RBM27: variants seen among roughly 807,000 people sequenced by gnomAD.
RBM27 encodes RNA binding motif protein 27, also known as RNA-binding protein 27.
A neutral mutation model predicts 135.3 loss-of-function variants in RBM27; 22 were observed. That is an observed-to-expected ratio of 0.16 (90% CI 0.12 to 0.23). The LOEUF (loss-of-function observed/expected upper bound fraction) is 0.23, where lower values mean the gene tolerates loss of function less well. RBM27 is among the 10% of genes least tolerant of loss of function. RBM27 has a pLI of 1.00. For missense variants in RBM27, 1,009 were observed against 1,281.0 expected (o/e 0.79, Z 3.24); for synonymous variants, 481 against 442.4 (o/e 1.09, Z -1.10).
chr5:146,267,410 C>A (rs76954541), intron 14 of RBM27, among the ~76,000 whole-genome samples: 2,936 of 152,162 alleles, frequency 0.019, 106 homozygotes, highest in African/African-American at 0.067. Context: ...GCACCTTTGT[C>A]TGATGTTGGT....
chr5:146,258,694 A>C (rs1025732823), intron 11 of RBM27, 101 bp downstream of exon 11: 3 of 1,114,230 alleles, frequency 2.7e-6, no homozygotes, highest in African/African-American at 3.3e-5. Flanking sequence ...TTTTCAAACT[A>C]GGTATCTTGA....
At position 146,203,739 on chromosome 5, in the gene RBM27, G is replaced by T; in HGVS notation, c.-27G>T. On this transcript the variant is annotated 5_prime_UTR_variant, in exon 1 of 21. Transcript: ENST00000265271. The stretch of plus-strand genomic sequence containing the variant: ...ACCCACGGCAGGCCTGAAGAAGAGC[G>T]GCGGCCGAGCCCGCCTTCCCTGCAC... The T allele has an allele frequency of 6.5e-7, 1 of 1,548,168 alleles. No individual in the cohort carries two copies. The highest frequency in any genetic ancestry group is 8.7e-7 in the Non-Finnish European group (1 of 1,145,248).
chr5:146,276,240 A>T (rs1561568263), intron 19 of RBM27, among the ~76,000 whole-genome samples: 1 of 152,128 alleles, frequency 6.6e-6, no homozygotes, highest in African/African-American at 2.4e-5. Flanking sequence ...CCTTAAAAAA[A>T]TAAATTATTC....
intron 1 of RBM27, among the ~76,000 whole-genome samples, chr5:146,210,719 G>A (rs950357212): frequency 1.3e-5 from 2 of 152,090 alleles, no homozygotes; most frequent in Admixed American, 6.6e-5. Context: ...AGGCTGAGGC[G>A]GGCAGATCAC....
chr5:146,285,850 T>G (rs1759560314), intron 20 of RBM27, 97 bp from the exon 21 acceptor site: 1 of 864,360 alleles, frequency 1.2e-6, no homozygotes, highest in Non-Finnish European at 1.8e-6. Context: ...AAATCTAGCC[T>G]GGGCTTTGTA....
intron 1 of RBM27, among the ~76,000 whole-genome samples, chr5:146,212,731 A>G (rs13169370): frequency 0.21 from 31,817 of 151,744 alleles, 4,237 homozygotes; most frequent in Admixed American, 0.33. Context: ...ATTTTTTGAG[A>G]TGGAGTCTTG....
chr5:146,239,440 A>G (rs1214685235), intron 8 of RBM27, among the ~76,000 whole-genome samples: 3 of 138,858 alleles, frequency 2.2e-5, no homozygotes, highest in Non-Finnish European at 4.6e-5. Flanking sequence ...ACCCCTCTCT[A>G]GGACTTCTAA....
At position 146,203,745 on chromosome 5, in the gene RBM27, C is replaced by T; in HGVS notation, c.-21C>T. On this transcript the variant is annotated 5_prime_UTR_variant, in exon 1 of 21. Transcript: ENST00000265271. ...GGCAGGCCTGAAGAAGAGCGGCGGC[C>T]GAGCCCGCCTTCCCTGCACCATGCT... is the stretch of plus-strand genomic sequence containing the variant. 6.5e-7 allele frequency: 1 copy of T among 1,549,042 alleles called. No individual in the cohort carries two copies. Among genetic ancestry groups the T allele is most frequent in the Non-Finnish European group, 8.7e-7 (1 of 1,145,748 alleles).
At chr5:146,279,097 A>G (rs181113998) in intron 19 of RBM27, among the ~76,000 whole-genome samples, 41 of 152,278 alleles carry the variant, frequency 2.7e-4, no homozygotes, top group Admixed American at 2.2e-3. Context: ...GTGTAGAACA[A>G]TTAGGTACTG....
chr5:146,230,828 A>G lies in RBM27; in HGVS notation c.761A>G (p.Glu254Gly). 1 of 1,613,992 alleles carries G rather than the reference A, an allele frequency of 6.2e-7. No individual in the cohort carries two copies. The change falls in exon 6 of 21, where the codon GAG becomes GGG. Residue 254 changes from glutamate (E) to glycine (G), a missense_variant. Coordinates refer to ENST00000265271, the MANE Select transcript of RBM27 (RefSeq NM_018989.2). ...GCTCACCACTCTGAAAACACAACTG[A>G]GAGTTGGTCTAATTACTATAACAAT... ...APAHHSENTT[E>G]SWSNYYNNHS...
At position 146,288,458 on chromosome 5, in the gene RBM27, A is replaced by C. The variant is rs1382703034; in HGVS notation, c.*2428A>C. Reference sequence around the variant, plus strand: ...TCAAAGATGAATTTGAAGTGAGTTAATTATAATACTGGAAAACTTCAGGTT... The same window carrying C: ...TCAAAGATGAATTTGAAGTGAGTTACTTATAATACTGGAAAACTTCAGGTT... On this transcript the variant is annotated 3_prime_UTR_variant, in exon 21 of 21. Coordinates refer to ENST00000265271, the MANE Select transcript of RBM27 (RefSeq NM_018989.2). 1 of 152,110 alleles carries C rather than the reference A, an allele frequency of 6.6e-6. No individual in the cohort carries two copies. The highest frequency in any genetic ancestry group is 2.4e-5 in the African/African-American group (1 of 41,456). 9.4% of individuals were successfully genotyped at this position (152,110 alleles called of 1,614,324 possible). A position where few individuals can be genotyped will look rare whatever the true frequency, so the allele number is the denominator to read the frequency against.
At chr5:146,245,524 A>T (rs1355136774) in intron 8 of RBM27, among the ~76,000 whole-genome samples, 1 of 152,216 alleles carries the variant, frequency 6.6e-6, no homozygotes, top group East Asian at 1.9e-4. Context: ...ATAAATCTTT[A>T]TCTTTCAGAA....
chr5:146,264,757 A>G (rs775313276), intron 14 of RBM27, among the ~76,000 whole-genome samples: 1 of 151,988 alleles, frequency 6.6e-6, no homozygotes, highest in African/African-American at 2.4e-5. Context: ...TCATGAATAG[A>G]CAGACTAGTG....
intron 9 of RBM27, 122 bp downstream of exon 9, chr5:146,251,997 GT>G: frequency 8.8e-7 from 1 of 1,132,322 alleles, no homozygotes; most frequent in Non-Finnish European, 1.3e-6. Context: ...CTCATAGGTA[GT>G]TTTATTTTCT....
At position 146,264,827 on chromosome 5, in the gene RBM27, A is replaced by G. The variant is rs139098001; in HGVS notation, c.2331+1196A>G. 2.4e-3 allele frequency among the ~76,000 whole-genome samples: 366 copies of G among 152,290 alleles called. 1 individual carries two copies. The highest frequency in any genetic ancestry group is 8.2e-3 in the African/African-American group (342 of 41,578). ...GCAAATAGGAGTTTATTATATAATA[A>G]CAAAGTGGAACAGGTCAGTGGGGAA... On this transcript the variant is annotated intron_variant, in intron 14 of 20. Coordinates refer to ENST00000265271, the MANE Select transcript of RBM27 (RefSeq NM_018989.2).
At chr5:146,212,627 T>TA (rs1321854790) in intron 1 of RBM27, among the ~76,000 whole-genome samples, 1 of 152,224 alleles carries the variant, frequency 6.6e-6, no homozygotes, top group Non-Finnish European at 1.5e-5. Flanking sequence ...GTGCTGGGAT[T>TA]ACAGGCATGA....
chr5:146,246,237 A>AT (rs1290495499), intron 8 of RBM27, among the ~76,000 whole-genome samples: 2 of 152,196 alleles, frequency 1.3e-5, no homozygotes, highest in Non-Finnish European at 2.9e-5. Flanking sequence ...AAAACTTAAA[A>AT]TTTTTTTCCT....
rs1303361673 is a variant in RBM27, at chr5:146,233,642, G to A, written c.1043G>A (p.Gly348Asp). Residue 348 changes from glycine (G) to aspartate (D), a missense_variant, in exon 7 of 21, where the codon GGC becomes GAC. Physicochemically the swap from Gly to Asp is moderately conservative, Grantham distance 94. Coordinates refer to ENST00000265271, the MANE Select transcript of RBM27 (RefSeq NM_018989.2). ...GGCCCAGGCCCGGGCCCAGGTCCAG[G>A]CCCAGGCCCGGGCCCAGGTCCAGGT... ...GPGPGPGPGP[G>D]PGPGPGPGPG... 6.4e-7 allele frequency: 1 copy of A among 1,572,806 alleles called. No homozygotes were observed. The highest frequency in any genetic ancestry group is 2.3e-5 in the East Asian group (1 of 43,904).
Position 146,258,460 on chromosome 5 carries a change from G to T in RBM27, c.1606G>T (p.Val536Leu). 6.4e-7 allele frequency: 1 copy of T among 1,554,318 alleles called. No homozygotes were observed. The highest frequency in any genetic ancestry group is 8.7e-7 in the Non-Finnish European group (1 of 1,152,746). ...MDVNPRAANI[V>L]IQTEPPVPVS... ...TTTTTTTCCAACAGCTGCTAACATT[G>T]TGATCCAGACTGAACCACCAGTTCC... The change falls in exon 11 of 21, where the codon GTG (valine) becomes TTG (leucine). Residue 536 changes from valine to leucine, a missense_variant. Val to Leu is a conservative substitution (Grantham distance 32). Around this residue, in one of 6 missense-constraint regions of RBM27, gnomAD observed 329 missense variants for 368.1 expected, o/e 0.89. Transcript: ENST00000265271.
Sources: gnomAD v4.1 joint callset for allele counts (sites outside exome capture counted in the v4.1 genomes callset) on GRCh38, gnomAD v4.1.1 for gene constraint, gnomAD v4.1.1 regional missense constraint, MANE v1.5 for transcripts, NCBI Gene and HGNC (gene_info 2026-07-23, HGNC 2026-07-21) for gene names.